The following TC2N variants were observed in gnomAD, a reference collection of about 807,000 sequenced individuals.
TC2N encodes the protein tandem C2 domains, nuclear.
In TC2N, 51 loss-of-function variants were observed where a neutral mutation model predicts 61.9. The ratio of observed to expected loss-of-function variants is 0.82; its 90% confidence interval spans 0.66 to 1.04. TC2N has a LOEUF of 1.04. TC2N is among the 50% of genes least tolerant of loss of function. TC2N has a pLI of 0.00. For synonymous variants in TC2N, 204 were observed against 192.6 expected (o/e 1.06, Z -0.49); for missense variants, 556 against 566.7 (o/e 0.98, Z 0.19).
chr14:91,851,942 A>C (rs1342522043), intron 1 of TC2N, among the ~76,000 whole-genome samples: 4 of 152,252 alleles, frequency 2.6e-5, no homozygotes, highest in African/African-American at 9.6e-5. Flanking sequence ...TTTCTGAATT[A>C]TCTGAAGTAC....
At chr14:91,827,732 A>C (rs908916757) in intron 1 of TC2N, among the ~76,000 whole-genome samples, 2 of 152,152 alleles carry the variant, frequency 1.3e-5, no homozygotes, top group African/African-American at 4.8e-5. Flanking sequence ...GTATACTATA[A>C]ATTTTATAAA....
intron 1 of TC2N, among the ~76,000 whole-genome samples, chr14:91,860,506 T>C (rs184945803): frequency 1.3e-5 from 2 of 152,356 alleles, no homozygotes; most frequent in South Asian, 2.1e-4. Flanking sequence ...TCTTGGAGCA[T>C]TGATTAGCAT....
At chr14:91,835,541 G>A (rs1356965723) in intron 1 of TC2N, among the ~76,000 whole-genome samples, 2 of 152,146 alleles carry the variant, frequency 1.3e-5, no homozygotes, top group Non-Finnish European at 2.9e-5. Context: ...CAATGGTTTT[G>A]GCTTGGCATC....
intron 8 of TC2N, among the ~76,000 whole-genome samples, chr14:91,794,864 G>T (rs1362499977): frequency 1.3e-5 from 2 of 152,132 alleles, no homozygotes; most frequent in Admixed American, 6.6e-5. Context: ...CACTGCCATA[G>T]ATAGTGATTC....
chr14:91,831,255 T>A (rs1206916490), intron 1 of TC2N, among the ~76,000 whole-genome samples: 1 of 152,228 alleles, frequency 6.6e-6, no homozygotes, highest in East Asian at 1.9e-4. Flanking sequence ...TATTTATTTT[T>A]CAAGTTAAAA....
At chr14:91,798,962 A>G (rs748905508) in intron 6 of TC2N, 27 bp downstream of exon 6, 1 of 1,476,964 alleles carries the variant, frequency 6.8e-7, no homozygotes. Context: ...TCTTAAGAGT[A>G]TAAAAGTAGG....
intron 1 of TC2N, among the ~76,000 whole-genome samples, chr14:91,815,929 T>C (rs780186444): frequency 7.2e-5 from 11 of 151,732 alleles, no homozygotes; most frequent in Non-Finnish European, 1.6e-4. Context: ...AACATAACCA[T>C]AATAGTATTA....
At chr14:91,793,589 C>T (rs1885760610) in intron 8 of TC2N, among the ~76,000 whole-genome samples, 1 of 152,024 alleles carries the variant, frequency 6.6e-6, no homozygotes, top group South Asian at 2.1e-4. Flanking sequence ...ATTATTATAT[C>T]TGTTACGGTG....
intron 9 of TC2N, among the ~76,000 whole-genome samples, chr14:91,791,187 G>GGAGGGGAGAA (rs1885632503): frequency 7.8e-6 from 1 of 128,654 alleles, no homozygotes; most frequent in African/African-American, 2.9e-5. Flanking sequence ...GGAGGGGAGG[G>GGAGGGGAGAA]GAGGGGAGGG....
intron 1 of TC2N, among the ~76,000 whole-genome samples, chr14:91,856,875 T>G (rs1261347300): frequency 2.0e-5 from 3 of 152,188 alleles, no homozygotes; most frequent in Admixed American, 6.5e-5. Flanking sequence ...ACAGAAGTGG[T>G]CTAAATTAGG....
Position 91,780,419 on chromosome 14 carries a change from T to C in TC2N, c.*2681A>G, listed in dbSNP as rs1435159307. 1 of 152,222 alleles carries C rather than the reference T, an allele frequency of 6.6e-6. No individual in the cohort carries two copies. The highest frequency in any genetic ancestry group is 2.4e-5 in the African/African-American group (1 of 41,466). The allele number at this position is 152,222 out of a possible 1,614,324, so 9.4% of individuals were successfully genotyped here. On this transcript the variant is annotated 3_prime_UTR_variant, in exon 12 of 12. Coordinates refer to ENST00000435962, the MANE Select transcript of TC2N (RefSeq NM_001128596.3). The stretch of plus-strand genomic sequence containing the variant: ...TATAACTTGTTCAAAATCCCACTAG[T>C]TTCTTCTTAACAGTCTTGGTAAGAG...
intron 1 of TC2N, among the ~76,000 whole-genome samples, chr14:91,823,486 C>T (rs963587870): frequency 1.3e-5 from 2 of 150,924 alleles, no homozygotes; most frequent in Non-Finnish European, 2.9e-5. Context: ...CGCCATTGCA[C>T]TCCAGACTGG....
At chr14:91,816,885 G>C (rs1259378388) in intron 1 of TC2N, among the ~76,000 whole-genome samples, 1 of 151,704 alleles carries the variant, frequency 6.6e-6, no homozygotes, top group Non-Finnish European at 1.5e-5. Context: ...GTCTATTCCT[G>C]TACCAATGGT....
Position 91,831,599 on chromosome 14 carries a change from T to C in TC2N, c.-56-17774A>G, listed in dbSNP as rs572783119. ...ATGGAAACTTGATCTATGATACTTG[T>C]AGATCACTGAAATGAAAAACAGAAT... On this transcript the variant is annotated intron_variant, in intron 1 of 11. Coordinates refer to ENST00000435962, the MANE Select transcript of TC2N (RefSeq NM_001128596.3). Among the ~76,000 whole-genome samples, 8 of 152,222 alleles carry C rather than the reference T, an allele frequency of 5.3e-5. No individual in the cohort carries two copies. In the South Asian group the frequency reaches 1.7e-3, roughly 32 times the overall value.
intron 1 of TC2N, among the ~76,000 whole-genome samples, chr14:91,821,812 G>GA (rs1295735542): frequency 1.3e-5 from 2 of 151,622 alleles, no homozygotes; most frequent in Non-Finnish European, 2.9e-5. Context: ...ATAATAAAAA[G>GA]AAAAATAACC....
chr14:91,790,292 GA>G (rs1300943411), intron 9 of TC2N, among the ~76,000 whole-genome samples: 2 of 152,178 alleles, frequency 1.3e-5, no homozygotes, highest in Non-Finnish European at 2.9e-5. Context: ...GTAAAAACCC[GA>G]AAGTTGTGCT....
rs897646037 is a variant in TC2N, at chr14:91,851,824, T to C, written c.-57+15438A>G. On this transcript the variant is annotated intron_variant, in intron 1 of 11. Coordinates refer to ENST00000435962, the MANE Select transcript of TC2N (RefSeq NM_001128596.3). ...CCTGGATCATCATGAAGTAAAACTCTATACGTGGTGGAGTCTAGCTACTAA... is the reference window on the plus strand; with the variant it reads ...CCTGGATCATCATGAAGTAAAACTCCATACGTGGTGGAGTCTAGCTACTAA... 4.6e-5 allele frequency among the ~76,000 whole-genome samples: 7 copies of C among 152,250 alleles called. No homozygotes were observed. The South Asian group carries it at 1.0e-3, about 22-fold the overall frequency.
At chr14:91,825,413 G>A (rs1256055234) in intron 1 of TC2N, among the ~76,000 whole-genome samples, 2 of 152,176 alleles carry the variant, frequency 1.3e-5, no homozygotes, top group South Asian at 4.1e-4. Context: ...AAATTACAGA[G>A]AGCCAGCTAA....
At chr14:91,817,841 T>A (rs751926584) in intron 1 of TC2N, among the ~76,000 whole-genome samples, 1 of 152,042 alleles carries the variant, frequency 6.6e-6, no homozygotes, top group Non-Finnish European at 1.5e-5. Flanking sequence ...ATGAATGAAA[T>A]GTGAAATCTA....
Sources: gnomAD v4.1 joint callset for allele counts (sites outside exome capture counted in the v4.1 genomes callset) on GRCh38, gnomAD v4.1.1 for gene constraint, MANE v1.5 for transcripts, NCBI Gene and HGNC (gene_info 2026-07-23, HGNC 2026-07-21) for gene names.